Variants in MYO1E observed in about 807,000 individuals in gnomAD.
The protein encoded by MYO1E is myosin IE.
Under a neutral mutation model 151.1 loss-of-function variants are expected in MYO1E, and 68 were observed. The ratio of observed to expected loss-of-function variants is 0.45; its 90% CI spans 0.37 to 0.55. The LOEUF (loss-of-function observed/expected upper bound fraction) is 0.55. MYO1E is among the 20% of genes least tolerant of loss of function. MYO1E has a pLI of 0.00. For missense variants in MYO1E, 1,363 were observed against 1,389.3 expected, an observed-to-expected ratio of 0.98 and a Z score of 0.30; for synonymous variants, 601 against 501.7, an observed-to-expected ratio of 1.20 and a Z score of -2.64.
rs1376788021 is a variant in MYO1E at position 59,214,250 on chromosome 15, T to G, written c.1253A>C (p.Glu418Ala). The G allele has an allele frequency of 6.2e-7, 1 of 1,613,152 alleles. No homozygotes were observed. Among genetic ancestry groups the G allele is most frequent in the South Asian group, 1.1e-5 (1 of 90,942 alleles). Residue 418 changes from glutamate (E) to alanine (A), a missense_variant, in exon 12 of 28, where the codon GAA becomes GCA. Transcript: ENST00000288235. ...VNEKLQQIFIELTLKAEQEEY... is the reference protein window; with the variant it reads ...VNEKLQQIFIALTLKAEQEEY... The stretch of plus-strand genomic sequence containing the variant: ...TACCTGTTCTGCCTTTAATGTCAGT[T>G]CAATAAAAATCTGCTGCAGTTTTTC...
chr15:59,269,470 C>T (rs921638531), intron 2 of MYO1E, among the ~76,000 whole-genome samples: 9 of 152,120 alleles, frequency 5.9e-5, no homozygotes, highest in South Asian at 2.1e-4. Flanking sequence ...CATTTTTTGA[C>T]GGTGTTAAGT....
At chr15:59,272,695 T>C (rs1596394849) in intron 1 of MYO1E, among the ~76,000 whole-genome samples, 1 of 152,194 alleles carries the variant, frequency 6.6e-6, no homozygotes. Flanking sequence ...GACTTCTCTT[T>C]TCTCATTTGT....
intron 1 of MYO1E, among the ~76,000 whole-genome samples, chr15:59,353,019 A>G (rs112976817): frequency 0.01 from 1,586 of 152,294 alleles, 31 homozygotes; most frequent in African/African-American, 0.037. Context: ...GAAAGGAAGC[A>G]TTTCTTTTCT....
At position 59,159,314 on chromosome 15, in the gene MYO1E, C is replaced by A. The variant is rs2079525358; in HGVS notation, c.2786-935G>T. On this transcript the variant is annotated intron_variant, in intron 24 of 27. Coordinates refer to ENST00000288235, the MANE Select transcript of MYO1E (RefSeq NM_004998.4). The surrounding 1 kb of genome is among the most constrained non-coding windows in gnomAD (Gnocchi z 4.4). ...GAATCCAACACCTATTGGGCAATTT[C>A]CCCTCGGGGGCCCGCCGCACAAACA... is the stretch of plus-strand genomic sequence containing the variant. 6.6e-6 allele frequency among the ~76,000 whole-genome samples: 1 copy of A among 152,258 alleles called. No homozygotes were observed. The highest frequency in any genetic ancestry group is 2.4e-5 in the African/African-American group (1 of 41,474).
At chr15:59,261,105 T>C (rs1380677110) in intron 3 of MYO1E, among the ~76,000 whole-genome samples, 1 of 151,836 alleles carries the variant, frequency 6.6e-6, no homozygotes, top group African/African-American at 2.4e-5. Flanking sequence ...CTCAGCTACT[T>C]GGGAGGCTGA....
rs1293269630 is a variant in MYO1E at position 59,132,886 on chromosome 15, G to A, written c.*4494C>T. Reference sequence around the variant, plus strand: ...TGGTCTTGGAAAGAGATGAATCAGAGGATTCAGATTTGTTAGATGGAGCTC... The same window carrying A: ...TGGTCTTGGAAAGAGATGAATCAGAAGATTCAGATTTGTTAGATGGAGCTC... On this transcript the variant is annotated 3_prime_UTR_variant, in exon 28 of 28. Coordinates refer to ENST00000288235, the MANE Select transcript of MYO1E (RefSeq NM_004998.4). 1.3e-5 allele frequency: 2 copies of A among 152,166 alleles called. No homozygotes were observed. Among genetic ancestry groups the A allele is most frequent in the African/African-American group, 4.8e-5 (2 of 41,438 alleles). 9.4% of individuals were successfully genotyped at this position (152,166 alleles called of 1,614,324 possible). A position where few individuals can be genotyped will look rare whatever the true frequency, so the allele number is the denominator to read the frequency against.
At chr15:59,240,646 T>C (rs1449646103) in intron 4 of MYO1E, among the ~76,000 whole-genome samples, 2 of 152,222 alleles carry the variant, frequency 1.3e-5, no homozygotes, top group African/African-American at 4.8e-5. Flanking sequence ...TAGGATCCGC[T>C]GTTACCACTG....
chr15:59,358,621 C>T (rs1357541339), intron 1 of MYO1E, among the ~76,000 whole-genome samples: 2 of 152,162 alleles, frequency 1.3e-5, no homozygotes, highest in Non-Finnish European at 2.9e-5. Flanking sequence ...CTTATGTCAA[C>T]TATTAAATAC....
chr15:59,273,492 A>G (rs1176390686), intron 1 of MYO1E, among the ~76,000 whole-genome samples: 3 of 152,216 alleles, frequency 2.0e-5, no homozygotes, highest in East Asian at 1.9e-4. Flanking sequence ...ATAACAGTCA[A>G]CATAAACACA....
At chr15:59,170,654 C>T (rs539598995) in intron 22 of MYO1E, among the ~76,000 whole-genome samples, 3 of 152,008 alleles carry the variant, frequency 2.0e-5, no homozygotes, top group Non-Finnish European at 2.9e-5. Flanking sequence ...ATGGACACTG[C>T]GGACTCATCT....
intron 15 of MYO1E, among the ~76,000 whole-genome samples, chr15:59,203,038 G>A (rs1313323144): frequency 1.3e-5 from 2 of 151,894 alleles, no homozygotes; most frequent in Non-Finnish European, 2.9e-5. Flanking sequence ...GAGGCACTGC[G>A]CCTGGCCAGC....
chr15:59,197,961 G>A (rs75007523), intron 16 of MYO1E, among the ~76,000 whole-genome samples: 12,245 of 152,126 alleles, frequency 0.08, 557 homozygotes, highest in Middle Eastern at 0.15. Flanking sequence ...TCCCAAGCTC[G>A]AGTGATCCTT....
Position 59,147,628 on chromosome 15 carries a change from A to C in MYO1E, c.3080+5962T>G, listed in dbSNP as rs543932089. ...AAAAAAAAAAAAACAATACAAAAAA[A>C]AGAAAGGAAGAGACTGTGGAACGGT... On this transcript the variant is annotated intron_variant, in intron 26 of 27. Coordinates refer to ENST00000288235, the MANE Select transcript of MYO1E (RefSeq NM_004998.4). Among the ~76,000 whole-genome samples, 3 of 150,710 alleles carry C rather than the reference A, an allele frequency of 2.0e-5. No homozygotes were observed. The East Asian group carries it at 5.8e-4, about 29-fold the overall frequency.
chr15:59,145,259 C>T (rs532174327), intron 26 of MYO1E, among the ~76,000 whole-genome samples: 15 of 152,206 alleles, frequency 9.9e-5, no homozygotes, highest in Non-Finnish European at 2.2e-4. Flanking sequence ...GATTACACAC[C>T]CCCTTACAGG....
chr15:59,181,983 G>A (rs1307308385), intron 18 of MYO1E, among the ~76,000 whole-genome samples: 8 of 152,110 alleles, frequency 5.3e-5, no homozygotes, highest in Admixed American at 3.3e-4. Flanking sequence ...AGTTGGCGGT[G>A]GACTCTGGAT....
At chr15:59,182,865 A>G (rs2079672153) in intron 18 of MYO1E, among the ~76,000 whole-genome samples, 1 of 152,210 alleles carries the variant, frequency 6.6e-6, no homozygotes, top group African/African-American at 2.4e-5. Context: ...TTCATGGAAG[A>G]TAATTTTTCT....
chr15:59,278,082 C>A (rs1300624689), intron 1 of MYO1E, among the ~76,000 whole-genome samples: 2 of 152,176 alleles, frequency 1.3e-5, no homozygotes, highest in East Asian at 3.8e-4. Flanking sequence ...TGACCAGGCT[C>A]TCAAAGTCAA....
intron 26 of MYO1E, among the ~76,000 whole-genome samples, chr15:59,149,412 G>C (rs1478002075): frequency 6.6e-6 from 1 of 152,114 alleles, no homozygotes; most frequent in African/African-American, 2.4e-5. Flanking sequence ...TGAGAAACAG[G>C]AAAGATCTTT....
chr15:59,252,720 A>C (rs535675224), intron 4 of MYO1E, among the ~76,000 whole-genome samples: 4 of 151,392 alleles, frequency 2.6e-5, no homozygotes, highest in African/African-American at 9.7e-5. Flanking sequence ...GTCTCAAAAA[A>C]AAAAAAAAGC....
Sources: allele counts gnomAD v4.1 joint callset (sites outside exome capture counted in the v4.1 genomes callset), GRCh38; gene constraint gnomAD v4.1.1; non-coding constraint Gnocchi (gnomAD v3.1); transcripts MANE v1.5; gene names NCBI Gene and HGNC (gene_info 2026-07-23, HGNC 2026-07-21).